DLGAP2: variants seen among roughly 807,000 people sequenced by gnomAD.
DLGAP2 encodes DLG associated protein 2, also known as disks large-associated protein 2.
In DLGAP2, 26 loss-of-function variants were observed where a neutral mutation model predicts 100.3. The ratio of observed to expected loss-of-function variants is 0.26; its 90% CI spans 0.19 to 0.36. DLGAP2 has a LOEUF of 0.36. DLGAP2 is among the 10% of genes least tolerant of loss of function. DLGAP2 has a pLI of 1.00. For missense variants in DLGAP2, 1,858 were observed against 1,453.2 expected (o/e 1.28, Z -4.53); for synonymous variants, 886 against 630.1 (o/e 1.41, Z -6.08).
At chr8:1,475,401 C>A (rs939882061) in intron 3 of DLGAP2, among the ~76,000 whole-genome samples, 2 of 152,170 alleles carry the variant, frequency 1.3e-5, no homozygotes, top group African/African-American at 4.8e-5. Context: ...CAGCCTGATA[C>A]CTTTTCATCC....
intron 2 of DLGAP2, among the ~76,000 whole-genome samples, chr8:1,139,040 A>G (rs530493859): frequency 6.6e-6 from 1 of 152,180 alleles, no homozygotes; most frequent in Non-Finnish European, 1.5e-5. Context: ...GCACTGTTCT[A>G]GTTGAAGGAA....
chr8:979,552 C>A (rs1800269691), intron 2 of DLGAP2, among the ~76,000 whole-genome samples: 1 of 152,198 alleles, frequency 6.6e-6, no homozygotes, highest in Non-Finnish European at 1.5e-5. Flanking sequence ...CTGATTATCA[C>A]TGTGTGGGCA....
chr8:829,122 GT>G (rs1796735483), intron 1 of DLGAP2, among the ~76,000 whole-genome samples: 2 of 152,282 alleles, frequency 1.3e-5, no homozygotes, highest in African/African-American at 4.8e-5. Flanking sequence ...AATCCCTAGT[GT>G]TTTCTTCCAT....
intron 3 of DLGAP2, among the ~76,000 whole-genome samples, chr8:1,270,692 CTGTGTGTGTCTCTGTGTGTG>C (rs1563053752): frequency 1.1e-5 from 1 of 94,164 alleles, no homozygotes; most frequent in Non-Finnish European, 2.4e-5. Context: ...ATTTATGTCT[CTGTGTGTGTCTCTGTGTGTG>C]TGTGTGTGTC....
intron 8 of DLGAP2, among the ~76,000 whole-genome samples, chr8:1,641,887 CT>C (rs1229898467): frequency 1.4e-4 from 18 of 130,542 alleles, no homozygotes; most frequent in African/African-American, 5.1e-4. Context: ...CCCGCCGGTC[CT>C]CACCTGTGTC....
chr8:955,132 G>C (rs1219737725), intron 2 of DLGAP2, among the ~76,000 whole-genome samples: 1 of 151,904 alleles, frequency 6.6e-6, no homozygotes, highest in African/African-American at 2.4e-5. Flanking sequence ...TTGACACCAG[G>C]CGTCATCACC....
chr8:1,081,936 G>A (rs1035510593), intron 2 of DLGAP2, among the ~76,000 whole-genome samples: 14 of 152,150 alleles, frequency 9.2e-5, no homozygotes. Flanking sequence ...CAGGATGCCA[G>A]GAAAATGCCC....
At chr8:1,204,896 A>G (rs1797957035) in intron 2 of DLGAP2, among the ~76,000 whole-genome samples, 1 of 152,258 alleles carries the variant, frequency 6.6e-6, no homozygotes, top group Non-Finnish European at 1.5e-5. Context: ...ACTTGGTCCC[A>G]GAGCTGACCA....
rs76645870 is a variant in DLGAP2, at chr8:1,075,270, C to A, written c.73+167304C>A. Among the ~76,000 whole-genome samples, 415 of 152,194 alleles carry A rather than the reference C, an allele frequency of 2.7e-3. 2 individuals are homozygous for A. Among genetic ancestry groups the A allele is most frequent in the African/African-American group, 9.6e-3 (400 of 41,532 alleles). ...GAGTTAGGACCCTCTTGTTGAGGAG[C>A]GTGAGGGAAGGAAAAGTTGAGCTGA... On this transcript the variant is annotated intron_variant, in intron 2 of 14. Transcript: ENST00000637795.
chr8:1,450,652 C>T (rs1232252872), intron 3 of DLGAP2, among the ~76,000 whole-genome samples: 2 of 152,062 alleles, frequency 1.3e-5, no homozygotes, highest in African/African-American at 4.8e-5. Context: ...CCATCATTCC[C>T]ACTCTGCAAT....
At chr8:1,303,710 C>A (rs547320701) in intron 3 of DLGAP2, among the ~76,000 whole-genome samples, 1 of 152,168 alleles carries the variant, frequency 6.6e-6, no homozygotes, top group Non-Finnish European at 1.5e-5. Flanking sequence ...TTGGGAGGCA[C>A]GGGTGCTTCC....
chr8:832,946 C>G (rs1311767471), intron 1 of DLGAP2, among the ~76,000 whole-genome samples: 1 of 152,162 alleles, frequency 6.6e-6, no homozygotes, highest in Non-Finnish European at 1.5e-5. Context: ...TACAGGGCCC[C>G]TCGTTTCTCT....
At chr8:1,080,204 A>G (rs1295061625) in intron 2 of DLGAP2, among the ~76,000 whole-genome samples, 1 of 152,204 alleles carries the variant, frequency 6.6e-6, no homozygotes, top group African/African-American at 2.4e-5. Context: ...TTTTCCACAA[A>G]ACACTGAGCT....
chr8:1,589,979 T>G (rs1796242530), intron 6 of DLGAP2, among the ~76,000 whole-genome samples: 1 of 152,202 alleles, frequency 6.6e-6, no homozygotes, highest in Non-Finnish European at 1.5e-5. Context: ...TCTCCAGTTC[T>G]GGGAGCCAGA....
Position 1,139,520 on chromosome 8 carries a change from C to A in DLGAP2, c.74-119331C>A, listed in dbSNP as rs181419367. Among the ~76,000 whole-genome samples the A allele has an allele frequency of 3.4e-3, 525 of 152,278 alleles. 4 individuals carry two copies. The highest frequency in any genetic ancestry group is 0.012 in the African/African-American group (491 of 41,552). Reference sequence around the variant, plus strand: ...CGGCGCTAATCCCATTTGCAGGAGCCCCACCCTCTCAACCTAGTCACCTCC... The same window carrying A: ...CGGCGCTAATCCCATTTGCAGGAGCACCACCCTCTCAACCTAGTCACCTCC... On this transcript the variant is annotated intron_variant, in intron 2 of 14. Coordinates refer to ENST00000637795, the MANE Select transcript of DLGAP2 (RefSeq NM_001346810.2).
chr8:1,582,158 A>G (rs1803299277), intron 6 of DLGAP2, among the ~76,000 whole-genome samples: 1 of 148,770 alleles, frequency 6.7e-6, no homozygotes, highest in Non-Finnish European at 1.5e-5. Context: ...TGTACACACC[A>G]CAGTCAAACT....
intron 1 of DLGAP2, chr8:891,633 G>A (rs1798037368): frequency 6.6e-6 from 1 of 152,534 alleles, no homozygotes. Context: ...CTGGTTCTGG[G>A]AGTAGAGGAT....
chr8:1,080,249 C>G (rs776198579), intron 2 of DLGAP2, among the ~76,000 whole-genome samples: 32 of 152,218 alleles, frequency 2.1e-4, no homozygotes, highest in Non-Finnish European at 3.1e-4. Flanking sequence ...TTGGTAGAGT[C>G]TCCAGGGTGT....
In DLGAP2 at chr8:1,032,136, G is replaced by T. The variant is rs146501944; in HGVS notation, c.73+124170G>T. 3.3e-3 allele frequency among the ~76,000 whole-genome samples: 503 copies of T among 152,372 alleles called. 4 individuals are homozygous for T. Among genetic ancestry groups the T allele is most frequent in the African/African-American group, 0.012 (482 of 41,592 alleles). The stretch of plus-strand genomic sequence containing the variant: ...GGTCTGCAGTATGCTTCAGGGGTCT[G>T]CTCAGAGTCAGCCAGGACGGCGCAA... On this transcript the variant is annotated intron_variant, in intron 2 of 14. Coordinates refer to ENST00000637795, the MANE Select transcript of DLGAP2 (RefSeq NM_001346810.2).
Sources: gnomAD v4.1 joint callset for allele counts (sites outside exome capture counted in the v4.1 genomes callset) on GRCh38, gnomAD v4.1.1 for gene constraint, MANE v1.5 for transcripts, NCBI Gene and HGNC (gene_info 2026-07-23, HGNC 2026-07-21) for gene names.